The following PCDHGA1 variants were observed in gnomAD, a reference collection of about 807,000 sequenced individuals.
PCDHGA1 encodes protocadherin gamma-A1.
A neutral mutation model predicts 58.0 loss-of-function variants in PCDHGA1; 32 were observed. The ratio of observed to expected loss-of-function variants is 0.55; its 90% confidence interval spans 0.42 to 0.74. The LOEUF (loss-of-function observed/expected upper bound fraction) is 0.74. Among genes scored for constraint, PCDHGA1 ranks in the 30% least tolerant of loss-of-function variants. The pLI is 0.00. For missense variants in PCDHGA1, 1,205 were observed against 1,182.3 expected (o/e 1.02, Z -0.28); for synonymous variants, 498 against 501.1 (o/e 0.99, Z 0.08).
Position 141,476,115 on chromosome 5 carries a change from A to G in PCDHGA1, c.2422-18692A>G. 1 of 1,592,814 alleles carries G rather than the reference A, an allele frequency of 6.3e-7. No homozygotes were observed. The highest frequency in any genetic ancestry group is 8.5e-7 in the Non-Finnish European group (1 of 1,171,734). On this transcript the variant is annotated intron_variant, in intron 1 of 3. Coordinates refer to ENST00000517417, the MANE Select transcript of PCDHGA1 (RefSeq NM_018912.3). This position sits in a 1 kb window ranked among gnomAD's most constrained non-coding sequence, Gnocchi z 7.6. ...CGCTGAGAGGAACTGCTTTTGAGTG[A>G]GATGGTCCCAGAGGCCTGGAGGAGC...
intron 1 of PCDHGA1, chr5:141,421,959 A>T: frequency 6.2e-7 from 1 of 1,612,798 alleles, no homozygotes; most frequent in Non-Finnish European, 8.5e-7. Flanking sequence ...CAATGTTTAC[A>T]CAGTCCGTAT....
intron 1 of PCDHGA1, among the ~76,000 whole-genome samples, chr5:141,436,389 TTAAA>T (rs1385837876): frequency 6.6e-6 from 1 of 152,212 alleles, no homozygotes; most frequent in Non-Finnish European, 1.5e-5. Context: ...ATAGGCTTTA[TTAAA>T]TAGTTGTTGA....
intron 2 of PCDHGA1, among the ~76,000 whole-genome samples, chr5:141,501,212 A>G (rs936235563): frequency 1.9e-4 from 29 of 150,770 alleles, no homozygotes; most frequent in Admixed American, 1.8e-3. Flanking sequence ...TGTCAGGGTG[A>G]CTTCCTAGAT....
intron 1 of PCDHGA1, chr5:141,388,994 T>C: frequency 6.2e-7 from 1 of 1,614,042 alleles, no homozygotes; most frequent in Non-Finnish European, 8.5e-7. Flanking sequence ...TCAAAGTCCG[T>C]GACAAGGATT....
intron 1 of PCDHGA1, chr5:141,421,588 G>A: frequency 1.2e-6 from 2 of 1,613,910 alleles, no homozygotes; most frequent in Non-Finnish European, 8.5e-7. Context: ...TTACGGAGTG[G>A]AGGTGGAAAT....
rs2099415271 is a variant in PCDHGA1, at chr5:141,477,659, G to A, written c.2422-17148G>A. 6.2e-7 allele frequency: 1 copy of A among 1,614,194 alleles called. No individual in the cohort carries two copies. The highest frequency in any genetic ancestry group is 1.3e-5 in the African/African-American group (1 of 75,046). ...GGGTCGCTATTTCACAATAAATCGT[G>A]ACAATGGCATAGTGTCATCCTTAGT... On this transcript the variant is annotated intron_variant, in intron 1 of 3. Transcript: ENST00000517417. The surrounding 1 kb of genome is among the most constrained non-coding windows in gnomAD (Gnocchi z 4.9).
At chr5:141,362,509 A>T (rs1561527206) in intron 1 of PCDHGA1, 16 of 1,614,038 alleles carry the variant, frequency 9.9e-6, no homozygotes, top group Non-Finnish European at 1.4e-5. Flanking sequence ...ACAAAATACA[A>T]ATCATGGAGC....
At chr5:141,409,097 G>C in intron 1 of PCDHGA1, 1 of 1,613,958 alleles carries the variant, frequency 6.2e-7, no homozygotes, top group Non-Finnish European at 8.5e-7. Context: ...TGAGAAAACA[G>C]GTATGATTAA....
intron 1 of PCDHGA1, chr5:141,408,778 A>G (rs1261786266): frequency 6.2e-7 from 1 of 1,612,198 alleles, no homozygotes; most frequent in Non-Finnish European, 8.5e-7. Flanking sequence ...GCAAATACCC[A>G]GAGTTATCTC....
At chr5:141,366,664 G>T (rs1477897734) in intron 1 of PCDHGA1, 2 of 1,614,118 alleles carry the variant, frequency 1.2e-6, no homozygotes, top group African/African-American at 1.3e-5. Context: ...ACGCAGACAC[G>T]CTCCTTAGTG....
intron 2 of PCDHGA1, among the ~76,000 whole-genome samples, chr5:141,499,575 T>TCCCTA (rs2099792820): frequency 1.3e-5 from 2 of 152,202 alleles, no homozygotes; most frequent in Non-Finnish European, 2.9e-5. Context: ...CTTCAACTAA[T>TCCCTA]GCCTTATCTT....
At chr5:141,382,022 T>C (rs1330641881) in intron 1 of PCDHGA1, among the ~76,000 whole-genome samples, 1 of 151,530 alleles carries the variant, frequency 6.6e-6, no homozygotes, top group Non-Finnish European at 1.5e-5. Context: ...AGAGACGGGG[T>C]TTCTCCATGT....
chr5:141,465,366 A>G (rs2099102089), intron 1 of PCDHGA1, among the ~76,000 whole-genome samples: 1 of 152,154 alleles, frequency 6.6e-6, no homozygotes, highest in Non-Finnish European at 1.5e-5. Flanking sequence ...GGTGCCCTTT[A>G]AAGTTGTAAG....
chr5:141,510,426 T>C (rs983368750), intron 3 of PCDHGA1, among the ~76,000 whole-genome samples: 1 of 152,084 alleles, frequency 6.6e-6, no homozygotes, highest in African/African-American at 2.4e-5. Flanking sequence ...CATGGTTTCA[T>C]GGCTGCTGCC....
chr5:141,496,126 C>T (rs934132550), intron 2 of PCDHGA1, among the ~76,000 whole-genome samples: 2 of 152,062 alleles, frequency 1.3e-5, no homozygotes, highest in African/African-American at 4.8e-5. Context: ...CCCTGCCCCT[C>T]ACACACTGAG....
intron 1 of PCDHGA1, chr5:141,418,245 A>G: frequency 5.6e-6 from 9 of 1,614,046 alleles, no homozygotes; most frequent in Non-Finnish European, 7.6e-6. Flanking sequence ...GTTAATGACC[A>G]CGCCCCTCAA....
chr5:141,502,516 A>G (rs947349505), intron 2 of PCDHGA1, among the ~76,000 whole-genome samples: 1 of 152,146 alleles, frequency 6.6e-6, no homozygotes, highest in African/African-American at 2.4e-5. Flanking sequence ...TCCCACTATC[A>G]GTGATGCCGA....
chr5:141,478,532 G>T, intron 1 of PCDHGA1: 1 of 1,607,858 alleles, frequency 6.2e-7, no homozygotes, highest in East Asian at 2.2e-5. Flanking sequence ...TGCAGAGAGC[G>T]CCCCTCCCGG....
intron 1 of PCDHGA1, chr5:141,402,959 G>C: frequency 1.2e-5 from 19 of 1,604,470 alleles, no homozygotes; most frequent in Non-Finnish European, 1.5e-5. Context: ...AGCAATGGCA[G>C]CTCCAACCAA....
Sources: gnomAD v4.1 joint callset for allele counts (sites outside exome capture counted in the v4.1 genomes callset) on GRCh38, gnomAD v4.1.1 for gene constraint, Gnocchi (gnomAD v3.1) non-coding constraint, MANE v1.5 for transcripts, NCBI Gene and HGNC (gene_info 2026-07-23, HGNC 2026-07-21) for gene names.